The following NETO1 variants were observed in gnomAD, a reference collection of about 807,000 sequenced individuals.
NETO1 encodes the protein neuropilin and tolloid-like protein 1.
NETO1 carries 26 observed loss-of-function variants against 61.3 expected under a neutral mutation model. The ratio of observed to expected loss-of-function variants is 0.42; its 90% CI spans 0.31 to 0.59. NETO1 has a LOEUF of 0.59. Ranked by LOEUF, NETO1 falls within the 20% of genes least tolerant of loss-of-function variation. NETO1 has a pLI of 0.12. For synonymous variants in NETO1, 225 were observed against 225.8 expected, an observed-to-expected ratio of 1.00 and a Z score of 0.03; for missense variants, 531 against 662.8, an observed-to-expected ratio of 0.80 and a Z score of 2.18.
At chr18:72,815,780 T>C (rs17794602) in intron 4 of NETO1, among the ~76,000 whole-genome samples, 21,471 of 152,070 alleles carry the variant, frequency 0.14, 1,667 homozygotes, top group Middle Eastern at 0.22. Flanking sequence ...GAAAGACTCC[T>C]GAGAAAACTA....
In NETO1 at chr18:72,830,833, A is replaced by T. The variant is rs1227094774; in HGVS notation, c.469+27993T>A. ...GAAAAGGTTTCCGAAAGATTATGCT[A>T]CACTTATGGGTTCCAGTTGTTCACT... is the stretch of plus-strand genomic sequence containing the variant. On this transcript the variant is annotated intron_variant, in intron 4 of 10. Transcript: ENST00000327305. This position sits in a 1 kb window ranked among gnomAD's most constrained non-coding sequence, Gnocchi z 4.9. Among the ~76,000 whole-genome samples, 8 of 152,128 alleles carry T rather than the reference A, an allele frequency of 5.3e-5. No individual in the cohort carries two copies. Among genetic ancestry groups the T allele is most frequent in the Non-Finnish European group, 1.0e-4 (7 of 68,030 alleles).
chr18:72,790,537 T>C (rs571387345), intron 6 of NETO1, among the ~76,000 whole-genome samples: 2 of 152,144 alleles, frequency 1.3e-5, no homozygotes, highest in African/African-American at 4.8e-5. Flanking sequence ...TCATGTTATC[T>C]GTGCCAAAAT....
At chr18:72,853,200 G>T (rs1215630389) in intron 4 of NETO1, 1 of 152,076 alleles carries the variant, frequency 6.6e-6, no homozygotes, top group Non-Finnish European at 1.5e-5. Flanking sequence ...TTCATTTCTT[G>T]AAAAATATGC....
At chr18:72,809,224 C>T (rs1046992701) in intron 4 of NETO1, among the ~76,000 whole-genome samples, 3 of 151,942 alleles carry the variant, frequency 2.0e-5, no homozygotes, top group Non-Finnish European at 2.9e-5. Context: ...AAAATATATG[C>T]CAGACAAGCA....
chr18:72,809,127 C>T (rs928846672), intron 4 of NETO1, among the ~76,000 whole-genome samples: 6 of 152,196 alleles, frequency 3.9e-5, no homozygotes, highest in Admixed American at 6.5e-5. Flanking sequence ...CTGCTCGTCA[C>T]ATCTAGAAAA....
chr18:72,779,450 C>G (rs1373660378), intron 7 of NETO1, among the ~76,000 whole-genome samples: 1 of 152,046 alleles, frequency 6.6e-6, no homozygotes, highest in Non-Finnish European at 1.5e-5. Flanking sequence ...CTCCCTCAGC[C>G]ACTAATATTG....
chr18:72,762,396 T>C (rs544788220), intron 7 of NETO1, among the ~76,000 whole-genome samples: 3 of 152,294 alleles, frequency 2.0e-5, no homozygotes, highest in East Asian at 3.9e-4. Flanking sequence ...ATTTCAGAAA[T>C]GCAAAAGCCA....
chr18:72,823,954 G>T (rs1428017247), intron 4 of NETO1, among the ~76,000 whole-genome samples: 1 of 152,092 alleles, frequency 6.6e-6, no homozygotes, highest in Admixed American at 6.5e-5. Context: ...AGGACAAAAT[G>T]AAAAACCACT....
intron 1 of NETO1, chr18:72,865,554 C>A: frequency 6.2e-7 from 1 of 1,605,084 alleles, no homozygotes; most frequent in South Asian, 1.1e-5. Context: ...CTACAGGAGT[C>A]ACACTGTATC....
intron 8 of NETO1, among the ~76,000 whole-genome samples, chr18:72,754,562 A>G (rs889827278): frequency 3.9e-5 from 6 of 152,172 alleles, no homozygotes; most frequent in Non-Finnish European, 5.9e-5. Flanking sequence ...ACTCAAGACA[A>G]AAAACTGCAC....
chr18:72,830,750 T>C lies in NETO1; in HGVS notation c.469+28076A>G, dbSNP rs1568236303. 6.6e-6 allele frequency among the ~76,000 whole-genome samples: 1 copy of C among 152,140 alleles called. No individual in the cohort carries two copies. The highest frequency in any genetic ancestry group is 1.5e-5 in the Non-Finnish European group (1 of 68,026). ...AACCACCTCCACTTTGACTGCATTT[T>C]CCCTCAAATTCACCATCTCCTCTTT... On this transcript the variant is annotated intron_variant, in intron 4 of 10. Coordinates refer to ENST00000327305, the MANE Select transcript of NETO1 (RefSeq NM_138966.5). The surrounding 1 kb of genome is among the most constrained non-coding windows in gnomAD (Gnocchi z 4.9).
In NETO1 at chr18:72,758,385, TTGTGTGTG is replaced by T. The variant is rs71166416; in HGVS notation, c.869-2246_869-2239del. On this transcript the variant is annotated intron_variant, in intron 7 of 10. Coordinates refer to ENST00000327305, the MANE Select transcript of NETO1 (RefSeq NM_138966.5). ...TTTGTTTGTGGTGCTTTTTTTTTCT[TTGTGTGTG>T]TGTGTGTGTGTGTGTGTGGAGGAGG... Among the ~76,000 whole-genome samples the T allele has an allele frequency of 4.8e-4, 68 of 142,910 alleles. 2 individuals are homozygous for T. The East Asian group carries it at 9.1e-3, about 19-fold the overall frequency. The allele number at this position is 142,910 out of a possible 152,430, so 93.8% of individuals were successfully genotyped here.
In NETO1 at chr18:72,747,381, G is replaced by A. The variant is rs1209916284; in HGVS notation, c.*798C>T. On this transcript the variant is annotated 3_prime_UTR_variant, in exon 11 of 11. Transcript: ENST00000327305. ...GATATTTTCCCAACTCAAATATCCA[G>A]TACTGACATGCAGGGTATTTTCTCA... 1 of 152,068 alleles carries A rather than the reference G, an allele frequency of 6.6e-6. No individual in the cohort carries two copies. The highest frequency in any genetic ancestry group is 1.5e-5 in the Non-Finnish European group (1 of 67,974). 9.4% of individuals were successfully genotyped at this position (152,068 alleles called of 1,614,324 possible).
rs758718148 is a variant in NETO1, at chr18:72,750,119, A to T, written c.1484T>A (p.Ile495Asn). 7.4e-6 allele frequency: 12 copies of T among 1,612,428 alleles called. No individual in the cohort carries two copies. In the Admixed American group the frequency reaches 1.8e-4, roughly 25 times the overall value. ...DAADACDIDE[I>N]EEVPTTSHRL... is the part of the protein sequence containing the mutation. ...GTGACTGGTGGTCGGCACCTCTTCG[A>T]TTTCATCTATGTCACAGGCATCTGC... The change falls in exon 9 of 11, where the codon ATC (isoleucine) becomes AAC (asparagine). Residue 495 changes from isoleucine to asparagine, a missense_variant. Ile to Asn is a moderately radical substitution (Grantham distance 149). Coordinates refer to ENST00000327305, the MANE Select transcript of NETO1 (RefSeq NM_138966.5).
intron 4 of NETO1, among the ~76,000 whole-genome samples, chr18:72,794,823 T>C (rs1019431819): frequency 6.6e-6 from 1 of 152,232 alleles, no homozygotes; most frequent in Non-Finnish European, 1.5e-5. Flanking sequence ...CCCTTTGTTC[T>C]AGATACTATC....
intron 4 of NETO1, among the ~76,000 whole-genome samples, chr18:72,853,884 A>G (rs1163374350): frequency 6.6e-6 from 1 of 152,008 alleles, no homozygotes. Context: ...TTTCTTTCTT[A>G]CCAGAGCACC....
chr18:72,804,290 T>C (rs1408194460), intron 4 of NETO1, among the ~76,000 whole-genome samples: 1 of 152,206 alleles, frequency 6.6e-6, no homozygotes, highest in Non-Finnish European at 1.5e-5. Flanking sequence ...CTTATCTTTG[T>C]ATCATGGGTA....
At chr18:72,832,135 A>G (rs935273414) in intron 4 of NETO1, among the ~76,000 whole-genome samples, 27 of 152,304 alleles carry the variant, frequency 1.8e-4, no homozygotes, top group African/African-American at 6.5e-4. Context: ...TAATTGATAG[A>G]TGAATTGGAT....
chr18:72,826,179 T>C (rs1201149871), intron 4 of NETO1, among the ~76,000 whole-genome samples: 1 of 152,188 alleles, frequency 6.6e-6, no homozygotes, highest in East Asian at 1.9e-4. Flanking sequence ...TAAGGGTGCA[T>C]TTTTGATATC....
Sources: gnomAD v4.1 joint callset for allele counts (sites outside exome capture counted in the v4.1 genomes callset) on GRCh38, gnomAD v4.1.1 for gene constraint, Gnocchi (gnomAD v3.1) non-coding constraint, MANE v1.5 for transcripts, NCBI Gene and HGNC (gene_info 2026-07-23, HGNC 2026-07-21) for gene names.